Variants in NTM observed in about 807,000 individuals in gnomAD.
The protein encoded by NTM is IgLON family member 2.
In NTM, 13 loss-of-function variants were observed where a neutral mutation model predicts 42.1. That is an observed-to-expected ratio of 0.31 (90% CI 0.20 to 0.49). NTM has a LOEUF of 0.49. Ranked by LOEUF, NTM falls within the 20% of genes least tolerant of loss-of-function variation. The probability of loss-of-function intolerance (pLI) is 0.99; values close to 1 mark genes in which losing one functional copy is unlikely to be tolerated. For synonymous variants in NTM, 187 were observed against 179.2 expected (o/e 1.04, Z -0.35); for missense variants, 373 against 452.8 (o/e 0.82, Z 1.60).
At chr11:131,661,639 T>TTGTAGTCAC (rs2068088603) in intron 1 of NTM, among the ~76,000 whole-genome samples, 2 of 152,164 alleles carry the variant, frequency 1.3e-5, no homozygotes, top group Non-Finnish European at 2.9e-5. Flanking sequence ...TGGTTTGTCA[T>TTGTAGTCAC]TGTAGTCACT....
chr11:131,389,648 G>T (rs958118766), intron 1 of NTM, among the ~76,000 whole-genome samples: 5 of 152,176 alleles, frequency 3.3e-5, no homozygotes, highest in African/African-American at 1.2e-4. Context: ...CAGCTTAAGG[G>T]CTTCGTGAGA....
chr11:131,823,175 C>T (rs1170057536), intron 1 of NTM, among the ~76,000 whole-genome samples: 2 of 152,200 alleles, frequency 1.3e-5, no homozygotes, highest in African/African-American at 4.8e-5. Flanking sequence ...GTGATTGTCA[C>T]AGGGTATCCC....
chr11:131,737,340 A>G (rs2080599663), intron 1 of NTM, among the ~76,000 whole-genome samples: 2 of 152,190 alleles, frequency 1.3e-5, no homozygotes, highest in Admixed American at 1.3e-4. Flanking sequence ...CTCTGTCTTA[A>G]AAGAACCACC....
chr11:132,187,971 A>G (rs940880489), intron 3 of NTM, among the ~76,000 whole-genome samples: 1 of 152,208 alleles, frequency 6.6e-6, no homozygotes, highest in Non-Finnish European at 1.5e-5. Context: ...AATGAGACAT[A>G]GCATAACAGA....
intron 1 of NTM, among the ~76,000 whole-genome samples, chr11:131,435,345 A>C (rs957020801): frequency 1.3e-5 from 2 of 152,202 alleles, no homozygotes; most frequent in Non-Finnish European, 2.9e-5. Context: ...TGGGAGCTTG[A>C]TGGGGATGGA....
At chr11:131,670,378 CCTTTCTTTCTTTTT>C (rs931193970) in intron 1 of NTM, among the ~76,000 whole-genome samples, 3 of 150,852 alleles carry the variant, frequency 2.0e-5, no homozygotes, top group Non-Finnish European at 2.9e-5. Context: ...TTCCTTCCTT[CCTTTCTTTCTTTTT>C]CTTTCTTTCT....
chr11:131,996,856 A>G (rs1458705565), intron 2 of NTM, among the ~76,000 whole-genome samples: 1 of 152,100 alleles, frequency 6.6e-6, no homozygotes, highest in Non-Finnish European at 1.5e-5. Flanking sequence ...ATTCTGAAGC[A>G]TCTCCTTCCT....
At chr11:131,694,705 G>C (rs2075218076) in intron 1 of NTM, among the ~76,000 whole-genome samples, 1 of 152,208 alleles carries the variant, frequency 6.6e-6, no homozygotes, top group Non-Finnish European at 1.5e-5. Flanking sequence ...GACTGGACGT[G>C]TGGACAGAGG....
intron 1 of NTM, among the ~76,000 whole-genome samples, chr11:131,516,374 C>T (rs1591903543): frequency 6.6e-6 from 1 of 152,116 alleles, no homozygotes; most frequent in East Asian, 1.9e-4. Flanking sequence ...TGACCCTGAC[C>T]CTTTTCTTTT....
chr11:131,819,622 A>C lies in NTM; in HGVS notation c.83-91942A>C, dbSNP rs191238995. 1.1e-3 allele frequency among the ~76,000 whole-genome samples: 165 copies of C among 152,212 alleles called. 1 individual carries two copies. The highest frequency in any genetic ancestry group is 3.9e-3 in the African/African-American group (160 of 41,538). On this transcript the variant is annotated intron_variant, in intron 1 of 8. Coordinates refer to ENST00000683400, the MANE Select transcript of NTM (RefSeq NM_001352005.2). ...TTCCAAGTTCCTCACCCAGCTTTTAAATATCACTAATAAACAGCACTAGCC... is the reference window on the plus strand; with the variant it reads ...TTCCAAGTTCCTCACCCAGCTTTTACATATCACTAATAAACAGCACTAGCC...
intron 1 of NTM, among the ~76,000 whole-genome samples, chr11:131,777,796 G>A (rs1335015770): frequency 1.3e-5 from 2 of 152,118 alleles, no homozygotes; most frequent in African/African-American, 4.8e-5. Flanking sequence ...GCTTATGACT[G>A]TGAATGCTTC....
At chr11:132,109,568 C>A (rs937914479) in intron 2 of NTM, among the ~76,000 whole-genome samples, 2 of 152,154 alleles carry the variant, frequency 1.3e-5, no homozygotes, top group African/African-American at 4.8e-5. Flanking sequence ...TGCTTAGAAC[C>A]TTTCATACTT....
chr11:131,595,919 G>A lies in NTM; in HGVS notation c.82+225031G>A, dbSNP rs145017881. ...AGAAGCCAGGGGTTCTTGTCAACAG[G>A]ACATAAAATACGGGAGCCCATGCCT... is the stretch of plus-strand genomic sequence containing the variant. On this transcript the variant is annotated intron_variant, in intron 1 of 8. Coordinates refer to ENST00000683400, the MANE Select transcript of NTM (RefSeq NM_001352005.2). Among the ~76,000 whole-genome samples, 534 of 152,330 alleles carry A rather than the reference G, an allele frequency of 3.5e-3. 1 individual carries two copies. The highest frequency in any genetic ancestry group is 0.017 in the Middle Eastern group (5 of 294).
chr11:132,101,574 GTGTGTGTGTGTA>G (rs1204589960), intron 2 of NTM, among the ~76,000 whole-genome samples: 6 of 151,968 alleles, frequency 3.9e-5, no homozygotes, highest in Admixed American at 6.6e-5. Flanking sequence ...GTGTGTGTGT[GTGTGTGTGTGTA>G]TGTTTGAATG....
At chr11:132,125,512 ATGTGGTGTG>A (rs2065581943) in intron 2 of NTM, among the ~76,000 whole-genome samples, 2 of 96,774 alleles carry the variant, frequency 2.1e-5, no homozygotes, top group African/African-American at 4.1e-5. Flanking sequence ...GTGGTGGTGT[ATGTGGTGTG>A]TGTGGTGTGT....
At chr11:131,754,614 G>T (rs1399409187) in intron 1 of NTM, among the ~76,000 whole-genome samples, 1 of 98,724 alleles carries the variant, frequency 1.0e-5, no homozygotes, top group Admixed American at 1.3e-4. Context: ...AACAGAGTGA[G>T]ACCCCAACTC....
At chr11:132,116,368 G>A (rs187831788) in intron 2 of NTM, among the ~76,000 whole-genome samples, 3 of 152,192 alleles carry the variant, frequency 2.0e-5, no homozygotes, top group Non-Finnish European at 4.4e-5. Context: ...AAACAGAAGT[G>A]GGGGGTGATA....
At chr11:131,830,805 G>A (rs2042724096) in intron 1 of NTM, among the ~76,000 whole-genome samples, 2 of 152,166 alleles carry the variant, frequency 1.3e-5, no homozygotes, top group African/African-American at 4.8e-5. Context: ...CTGTGAGCAT[G>A]GACTGTTTTT....
chr11:131,387,302 C>A (rs1209424121), intron 1 of NTM, among the ~76,000 whole-genome samples: 7 of 152,138 alleles, frequency 4.6e-5, no homozygotes, highest in African/African-American at 1.7e-4. Flanking sequence ...GGAGCTCTCT[C>A]TCTCTCTCTC....
Sources: allele counts gnomAD v4.1 joint callset (sites outside exome capture counted in the v4.1 genomes callset), GRCh38; gene constraint gnomAD v4.1.1; transcripts MANE v1.5; gene names NCBI Gene and HGNC (gene_info 2026-07-23, HGNC 2026-07-21).